MOXD1: variants seen among roughly 807,000 people sequenced by gnomAD.
MOXD1 encodes the protein monooxygenase DBH like 1, also known as DBH-like monooxygenase protein 1.
A neutral mutation model predicts 66.6 loss-of-function variants in MOXD1; 62 were observed. The observed-to-expected ratio is 0.93, with a 90% CI of 0.76 to 1.15. The LOEUF (loss-of-function observed/expected upper bound fraction) is 1.15, where lower values mean the gene tolerates loss of function less well. Ranked by LOEUF, MOXD1 falls within the 50% of genes most tolerant of loss-of-function variation. The pLI is 0.00. For missense variants in MOXD1, 847 were observed against 754.6 expected (o/e 1.12, Z -1.44); for synonymous variants, 303 against 281.9 (o/e 1.07, Z -0.75).
chr6:132,340,926 G>A (rs1460306522), intron 4 of MOXD1, among the ~76,000 whole-genome samples: 1 of 152,142 alleles, frequency 6.6e-6, no homozygotes, highest in African/African-American at 2.4e-5. Flanking sequence ...GATTACAGGC[G>A]TGAGCCACTG....
intron 10 of MOXD1, among the ~76,000 whole-genome samples, chr6:132,315,271 G>A (rs554828436): frequency 2.0e-5 from 3 of 152,202 alleles, no homozygotes; most frequent in Non-Finnish European, 4.4e-5. Flanking sequence ...GGTGCATTCT[G>A]TGTGACTCCA....
In MOXD1 at chr6:132,338,003, A is replaced by T. The variant is rs188993886; in HGVS notation, c.664-9409T>A. On this transcript the variant is annotated intron_variant, in intron 4 of 11. Coordinates refer to ENST00000367963, the MANE Select transcript of MOXD1 (RefSeq NM_015529.4). ...CCAGCTGTGGGACATGCCATAAGTA[A>T]GTCACATGATAATAGCTCTGCTTCC... Among the ~76,000 whole-genome samples the T allele has an allele frequency of 2.0e-3, 307 of 152,316 alleles. 3 individuals carry two copies. Among genetic ancestry groups the T allele is most frequent in the Middle Eastern group, 6.8e-3 (2 of 294 alleles).
chr6:132,401,028 G>C (rs2114706055), intron 1 of MOXD1, 135 bp downstream of exon 1: 1 of 1,165,356 alleles, frequency 8.6e-7, no homozygotes, highest in African/African-American at 1.6e-5. Context: ...GCGAGAGTGA[G>C]CGTGGCCGGG....
intron 4 of MOXD1, among the ~76,000 whole-genome samples, chr6:132,352,555 G>A (rs989934971): frequency 3.9e-5 from 6 of 152,076 alleles, no homozygotes; most frequent in East Asian, 1.9e-4. Flanking sequence ...GGCCTATCAC[G>A]TGTCCTGTCT....
intron 4 of MOXD1, among the ~76,000 whole-genome samples, chr6:132,344,583 T>C (rs1775632110): frequency 6.6e-6 from 1 of 152,186 alleles, no homozygotes; most frequent in Admixed American, 6.5e-5. Context: ...CTGTTCCCAT[T>C]TGGCGCACAT....
intron 4 of MOXD1, 77 bp from the exon 5 acceptor site, chr6:132,328,671 GCA>G: frequency 7.5e-7 from 1 of 1,332,748 alleles, no homozygotes; most frequent in Non-Finnish European, 1.0e-6. Flanking sequence ...CGTGAAACTA[GCA>G]TAAATTACTG....
Position 132,345,599 on chromosome 6 carries a change from A to T in MOXD1, c.664-17005T>A, listed in dbSNP as rs187689191. ...GGTAAGCTATCATACTTAATTAGAT[A>T]ATAGTCTCCAAAAGCCTTTGAAAAT... On this transcript the variant is annotated intron_variant, in intron 4 of 11. Coordinates refer to ENST00000367963, the MANE Select transcript of MOXD1 (RefSeq NM_015529.4). 6.8e-4 allele frequency among the ~76,000 whole-genome samples: 103 copies of T among 152,302 alleles called. No individual in the cohort carries two copies. The East Asian group carries it at 0.019, about 28-fold the overall frequency.
chr6:132,375,056 T>C (rs1245111948), intron 1 of MOXD1: 1 of 527,796 alleles, frequency 1.9e-6, no homozygotes, highest in East Asian at 3.0e-5. Context: ...TGCCTTTCCT[T>C]CCTTGGAAAA....
chr6:132,344,982 G>A (rs1029496517), intron 4 of MOXD1, among the ~76,000 whole-genome samples: 1 of 152,194 alleles, frequency 6.6e-6, no homozygotes, highest in African/African-American at 2.4e-5. Flanking sequence ...TGCAAAAGGA[G>A]CTATGTGACA....
At chr6:132,337,819 C>A (rs537396308) in intron 4 of MOXD1, among the ~76,000 whole-genome samples, 1 of 152,130 alleles carries the variant, frequency 6.6e-6, no homozygotes, top group African/African-American at 2.4e-5. Flanking sequence ...TTATCAATTA[C>A]TTGAGATATT....
At chr6:132,305,172 C>A (rs1774659929) in intron 10 of MOXD1, among the ~76,000 whole-genome samples, 1 of 152,232 alleles carries the variant, frequency 6.6e-6, no homozygotes, top group South Asian at 2.1e-4. Flanking sequence ...GTGCTTTTCC[C>A]CTGCTGGAGC....
chr6:132,382,408 G>A (rs1171286094), intron 1 of MOXD1, among the ~76,000 whole-genome samples: 1 of 152,102 alleles, frequency 6.6e-6, no homozygotes, highest in South Asian at 2.1e-4. Flanking sequence ...TATATAAATG[G>A]CTTTATGTGG....
At chr6:132,338,290 T>C (rs1376314552) in intron 4 of MOXD1, among the ~76,000 whole-genome samples, 1 of 152,212 alleles carries the variant, frequency 6.6e-6, no homozygotes, top group Non-Finnish European at 1.5e-5. Flanking sequence ...ATCAGTGCTC[T>C]ACCAAGAACA....
At chr6:132,349,872 A>G (rs143633612) in intron 4 of MOXD1, among the ~76,000 whole-genome samples, 1,922 of 152,234 alleles carry the variant, frequency 0.013, 47 homozygotes, top group African/African-American at 0.044. Flanking sequence ...CCTGATCATT[A>G]GTGATGTTGA....
intron 4 of MOXD1, among the ~76,000 whole-genome samples, chr6:132,366,799 G>A (rs1042942197): frequency 3.3e-5 from 5 of 152,132 alleles, no homozygotes; most frequent in African/African-American, 1.2e-4. Flanking sequence ...CATTTGACAT[G>A]TTGTATTAAG....
At chr6:132,396,823 G>A (rs1255343990) in intron 1 of MOXD1, among the ~76,000 whole-genome samples, 1 of 152,066 alleles carries the variant, frequency 6.6e-6, no homozygotes, top group Non-Finnish European at 1.5e-5. Context: ...ACTGAATCAA[G>A]AAGAACTAAA....
At chr6:132,394,698 A>G (rs1278321324) in intron 1 of MOXD1, among the ~76,000 whole-genome samples, 1 of 152,186 alleles carries the variant, frequency 6.6e-6, no homozygotes, top group African/African-American at 2.4e-5. Context: ...TAAAGTTTCA[A>G]CAACAGACTA....
Position 132,323,989 on chromosome 6 carries a change from G to C in MOXD1, c.1055C>G (p.Pro352Arg), listed in dbSNP as rs745719941. Residue 352 changes from proline (P) to arginine (R), a missense_variant, in exon 7 of 12, where the codon CCT becomes CGT. Pro to Arg is a moderately radical substitution (Grantham distance 103, BLOSUM62 -2). Transcript: ENST00000367963. ...AGACTGGAACTCAGGCATCCCTGGA[G>C]GGATGGTATGGAAGAGGCTCACCCA... ...GLWVSLFHTI[P>R]PGMPEFQSEG... The C allele has an allele frequency of 6.2e-7, 1 of 1,613,988 alleles. No individual in the cohort carries two copies. The highest frequency in any genetic ancestry group is 1.7e-5 in the Admixed American group (1 of 60,002).
intron 10 of MOXD1, among the ~76,000 whole-genome samples, chr6:132,305,746 G>C (rs2743957): frequency 0.46 from 70,246 of 151,956 alleles, 18,064 homozygotes; most frequent in East Asian, 0.69. Context: ...ACCCAGCAAA[G>C]TGCAGCAGCC....
Sources: gnomAD v4.1 joint callset for allele counts (sites outside exome capture counted in the v4.1 genomes callset) on GRCh38, gnomAD v4.1.1 for gene constraint, MANE v1.5 for transcripts, NCBI Gene and HGNC (gene_info 2026-07-23, HGNC 2026-07-21) for gene names.